UBE3D: variants seen among roughly 807,000 people sequenced by gnomAD.
UBE3D encodes ubiquitin protein ligase E3D.
UBE3D carries 48 observed loss-of-function variants against 49.6 expected under a neutral mutation model. The ratio of observed to expected loss-of-function variants is 0.97; its 90% CI spans 0.77 to 1.23. The LOEUF is 1.23. Ranked by LOEUF, UBE3D falls within the 50% of genes most tolerant of loss-of-function variation. UBE3D has a pLI of 0.00. For synonymous variants in UBE3D, 189 were observed against 174.2 expected, an observed-to-expected ratio of 1.08 and a Z score of -0.67; for missense variants, 452 against 468.4, an observed-to-expected ratio of 0.96 and a Z score of 0.32.
intron 8 of UBE3D, among the ~76,000 whole-genome samples, chr6:82,999,451 C>A (rs886118011): frequency 6.6e-6 from 1 of 152,170 alleles, no homozygotes; most frequent in Admixed American, 6.5e-5. Flanking sequence ...GTGGCGCGAT[C>A]TAGGCTCATG....
At chr6:83,012,057 G>A (rs943120726) in intron 8 of UBE3D, among the ~76,000 whole-genome samples, 4 of 152,164 alleles carry the variant, frequency 2.6e-5, no homozygotes. Flanking sequence ...AGGATGATAG[G>A]GAACACAGTA....
intron 9 of UBE3D, among the ~76,000 whole-genome samples, chr6:82,895,747 C>T (rs1274718826): frequency 6.6e-6 from 1 of 152,162 alleles, no homozygotes; most frequent in Non-Finnish European, 1.5e-5. Flanking sequence ...TCTTAGGTGA[C>T]AATGGTGGGC....
chr6:83,038,612 G>C, intron 4 of UBE3D, 127 bp from the exon 5 acceptor site: 1 of 780,152 alleles, frequency 1.3e-6, no homozygotes, highest in Non-Finnish European at 2.0e-6. Context: ...TAAATACTGG[G>C]AATACATTTA....
At chr6:82,969,724 A>G (rs1002958398) in intron 8 of UBE3D, among the ~76,000 whole-genome samples, 1 of 152,152 alleles carries the variant, frequency 6.6e-6, no homozygotes, top group Non-Finnish European at 1.5e-5. Context: ...GGAAAGATAT[A>G]CTTAATATCA....
chr6:82,898,071 T>A (rs529614886), intron 9 of UBE3D, among the ~76,000 whole-genome samples: 3 of 152,258 alleles, frequency 2.0e-5, no homozygotes, highest in East Asian at 3.9e-4. Context: ...AACAAACATA[T>A]GAGAAAAAGC....
intron 9 of UBE3D, among the ~76,000 whole-genome samples, chr6:82,951,867 T>A (rs944738105): frequency 6.6e-6 from 1 of 152,120 alleles, no homozygotes; most frequent in Non-Finnish European, 1.5e-5. Flanking sequence ...AATCAGCCTC[T>A]AAAACTGCAG....
intron 9 of UBE3D, among the ~76,000 whole-genome samples, chr6:82,923,993 C>T (rs1773555469): frequency 6.6e-6 from 1 of 151,612 alleles, no homozygotes; most frequent in African/African-American, 2.4e-5. Context: ...AAAAATCATA[C>T]CCTCACTGTG....
chr6:83,044,450 GA>G lies in UBE3D; in HGVS notation c.574del (p.Ser192LeufsTer16), dbSNP rs777426392. On this transcript the variant is annotated frameshift_variant, in exon 4 of 10. Transcript: ENST00000369747. LOFTEE classifies it high-confidence loss of function. ...ELSPVEMCCV[S>X]SDNHCKLEPK... ...TACCAATTTACAATGGTTGTCAGAA[GA>G]AACACAGCACATCTCCACTGGGGAT... 6.2e-7 allele frequency: 1 copy of G among 1,613,948 alleles called. No homozygotes were observed. Among genetic ancestry groups the G allele is most frequent in the Non-Finnish European group, 8.5e-7 (1 of 1,179,966 alleles).
intron 9 of UBE3D, among the ~76,000 whole-genome samples, chr6:82,906,614 TG>T (rs1772119641): frequency 6.6e-6 from 1 of 152,162 alleles, no homozygotes; most frequent in African/African-American, 2.4e-5. Flanking sequence ...TTCCTTTTAG[TG>T]GGGAATGGTA....
intron 8 of UBE3D, among the ~76,000 whole-genome samples, chr6:82,996,446 A>C (rs78700991): frequency 0.024 from 3,688 of 152,286 alleles, 148 homozygotes; most frequent in African/African-American, 0.084. Flanking sequence ...TAGAGAAAAA[A>C]CAAATCTTCT....
rs186287459 is a variant in UBE3D at position 82,894,458 on chromosome 6, C to A, written c.1150-1416G>T. On this transcript the variant is annotated intron_variant, in intron 9 of 9. Transcript: ENST00000369747. Reference sequence around the variant, plus strand: ...GGCGGTAAGCCATACTGCCCAGACCCCTCCCACCCATACCTATAAGTACCC... The same window carrying A: ...GGCGGTAAGCCATACTGCCCAGACCACTCCCACCCATACCTATAAGTACCC... Among the ~76,000 whole-genome samples the A allele has an allele frequency of 1.1e-4, 16 of 152,200 alleles. No individual in the cohort carries two copies. The East Asian group carries it at 3.1e-3, about 29-fold the overall frequency.
intron 8 of UBE3D, among the ~76,000 whole-genome samples, chr6:82,975,891 G>A (rs1331959238): frequency 1.3e-5 from 2 of 152,012 alleles, no homozygotes; most frequent in African/African-American, 4.8e-5. Flanking sequence ...CTTTTCTTAG[G>A]TAACAAAGAA....
intron 9 of UBE3D, among the ~76,000 whole-genome samples, chr6:82,900,346 T>G (rs9294266): frequency 0.082 from 12,518 of 152,220 alleles, 677 homozygotes; most frequent in Admixed American, 0.16. Context: ...AGTCTTACAT[T>G]AAGGTTAAGA....
rs183536229 is a variant in UBE3D, at chr6:83,060,872, C to G, written c.78-2850G>C. On this transcript the variant is annotated intron_variant, in intron 1 of 9. Coordinates refer to ENST00000369747, the MANE Select transcript of UBE3D (RefSeq NM_198920.3). ...TAAAAAATAAAACCCACTGAGTAAC[C>G]CACAGTAAGAATCATGTATCCTTAC... 5.3e-5 allele frequency among the ~76,000 whole-genome samples: 8 copies of G among 152,164 alleles called. No individual in the cohort carries two copies. In the East Asian group the frequency reaches 1.2e-3, roughly 22 times the overall value.
Position 83,016,585 on chromosome 6 carries a change from G to A in UBE3D, c.1010+2388C>T, listed in dbSNP as rs117624008. Among the ~76,000 whole-genome samples, 1,237 of 151,186 alleles carry A rather than the reference G, an allele frequency of 8.2e-3. 16 individuals carry two copies. Among genetic ancestry groups the A allele is most frequent in the Non-Finnish European group, 0.01 (702 of 67,822 alleles). ...ATTAGTCAGGGCTCTCTAGAGGGACGGAACTAATAGGATATATAGACATAT... is the reference window on the plus strand; with the variant it reads ...ATTAGTCAGGGCTCTCTAGAGGGACAGAACTAATAGGATATATAGACATAT... On this transcript the variant is annotated intron_variant, in intron 8 of 9. Transcript: ENST00000369747.
intron 8 of UBE3D, among the ~76,000 whole-genome samples, chr6:83,015,445 C>T (rs1323640134): frequency 6.6e-6 from 1 of 152,116 alleles, no homozygotes; most frequent in Non-Finnish European, 1.5e-5. Context: ...TTTGTAACTC[C>T]CCAAACTGCA....
intron 9 of UBE3D, among the ~76,000 whole-genome samples, chr6:82,914,484 C>T (rs1488615455): frequency 6.6e-6 from 1 of 152,156 alleles, no homozygotes; most frequent in Admixed American, 6.5e-5. Flanking sequence ...AGTGCAGACA[C>T]AGACGACATG....
chr6:83,005,235 C>A (rs771078918), intron 8 of UBE3D, among the ~76,000 whole-genome samples: 2 of 151,758 alleles, frequency 1.3e-5, no homozygotes, highest in Non-Finnish European at 2.9e-5. Flanking sequence ...AAAGGATACT[C>A]GATATCACTA....
intron 8 of UBE3D, among the ~76,000 whole-genome samples, chr6:82,985,010 T>TC (rs1778373900): frequency 7.6e-6 from 1 of 131,720 alleles, no homozygotes; most frequent in African/African-American, 2.8e-5. Context: ...TTCTTCTTCT[T>TC]TTTTTTTTTT....
Sources: allele counts gnomAD v4.1 joint callset (sites outside exome capture counted in the v4.1 genomes callset), GRCh38; gene constraint gnomAD v4.1.1; transcripts MANE v1.5; gene names NCBI Gene and HGNC (gene_info 2026-07-23, HGNC 2026-07-21).